RASSF3: variants seen among roughly 807,000 people sequenced by gnomAD.
RASSF3 encodes Ras association domain family member 3.
RASSF3 carries 19 observed loss-of-function variants against 19.9 expected under a neutral mutation model. The ratio of observed to expected loss-of-function variants is 0.96; its 90% CI spans 0.67 to 1.40. The LOEUF (loss-of-function observed/expected upper bound fraction) is 1.40. Ranked by LOEUF, RASSF3 falls within the 40% of genes most tolerant of loss-of-function variation. The probability of loss-of-function intolerance (pLI) is 0.00; values close to 1 mark genes in which losing one functional copy is unlikely to be tolerated. For missense variants in RASSF3, 306 were observed against 289.8 expected (o/e 1.06, Z -0.41); for synonymous variants, 110 against 104.2 (o/e 1.06, Z -0.34).
At position 64,668,348 on chromosome 12, in the gene RASSF3, C is replaced by T. The variant is rs551596342; in HGVS notation, c.112-16439C>T. Among the ~76,000 whole-genome samples the T allele has an allele frequency of 7.3e-4, 111 of 151,868 alleles. 1 individual carries two copies. The highest frequency in any genetic ancestry group is 1.9e-4 in the Non-Finnish European group (13 of 67,974). On this transcript the variant is annotated intron_variant, in intron 1 of 4. Coordinates refer to ENST00000542104, the MANE Select transcript of RASSF3 (RefSeq NM_178169.4). ...CTGAGGTGGAATGTGGCACAATCTCCGTTCACTGTAGCTTCCACTTCACAG... is the reference window on the plus strand; with the variant it reads ...CTGAGGTGGAATGTGGCACAATCTCTGTTCACTGTAGCTTCCACTTCACAG...
At chr12:64,683,760 C>T (rs1873223517) in intron 1 of RASSF3, among the ~76,000 whole-genome samples, 2 of 152,308 alleles carry the variant, frequency 1.3e-5, no homozygotes, top group South Asian at 4.1e-4. Context: ...AATGGCCAAT[C>T]TAGCAGGCAT....
chr12:64,549,662 G>T lies in RASSF3; in HGVS notation c.294+7957G>T, dbSNP rs536980974. 2.6e-5 allele frequency among the ~76,000 whole-genome samples: 4 copies of T among 152,138 alleles called. No individual in the cohort carries two copies. In the East Asian group the frequency reaches 7.7e-4, roughly 29 times the overall value. On this transcript the variant is annotated intron_variant, in intron 2 of 5. Coordinates refer to the RASSF3 transcript ENST00000637125. ...CCTCTACCAAGCTCCCCTCCTGTGG[G>T]GGGTGTTGACATGGCGGCCAGCAGC... is the stretch of plus-strand genomic sequence containing the variant.
At chr12:64,541,901 A>G (rs1311811726), downstream of RASSF3, among the ~76,000 whole-genome samples, 2 of 152,194 alleles carry the variant, frequency 1.3e-5, no homozygotes, top group Non-Finnish European at 2.9e-5. Context: ...AATTTTAGAA[A>G]CAATAAGATA....
chr12:64,526,139 G>A (rs1232969421), intron 1 of RASSF3, among the ~76,000 whole-genome samples: 1 of 152,202 alleles, frequency 6.6e-6, no homozygotes, highest in Non-Finnish European at 1.5e-5. Context: ...GATTTCTGGA[G>A]AAGGGACTAT....
At chr12:64,547,461 G>A (rs986786333) in intron 2 of RASSF3, among the ~76,000 whole-genome samples, 1 of 152,074 alleles carries the variant, frequency 6.6e-6, no homozygotes, top group African/African-American at 2.4e-5. Flanking sequence ...CAGATACTCA[G>A]GAGGCTGAGG....
chr12:64,661,683 T>C lies in RASSF3; in HGVS notation c.112-23104T>C, dbSNP rs112124473. 4.9e-3 allele frequency among the ~76,000 whole-genome samples: 618 copies of C among 126,518 alleles called. 5 individuals carry two copies. The highest frequency in any genetic ancestry group is 0.021 in the African/African-American group (527 of 24,996). The allele number at this position is 126,518 out of a possible 152,430, so 83.0% of individuals were successfully genotyped here. A position where few individuals can be genotyped will look rare whatever the true frequency, so the allele number is the denominator to read the frequency against. On this transcript the variant is annotated intron_variant, in intron 1 of 4. Coordinates refer to ENST00000542104, the MANE Select transcript of RASSF3 (RefSeq NM_178169.4). ...CATCTCTCTTTTTCTTTTTCTTTTT[T>C]TTTTTTTTTTTTTTTTTGAGACAGG...
At chr12:64,639,810 G>A (rs992039896) in intron 1 of RASSF3, among the ~76,000 whole-genome samples, 1 of 152,058 alleles carries the variant, frequency 6.6e-6, no homozygotes, top group Non-Finnish European at 1.5e-5. Flanking sequence ...TTCCTATTAT[G>A]GTATAGTTGC....
At chr12:64,564,325 G>A (rs1869393787) in intron 2 of RASSF3, among the ~76,000 whole-genome samples, 4 of 152,032 alleles carry the variant, frequency 2.6e-5, no homozygotes, top group Admixed American at 2.6e-4. Context: ...ATTGGGGACT[G>A]ATTCTTTGTT....
chr12:64,688,225 G>A lies in RASSF3; in HGVS notation c.229G>A (p.Gly77Arg). Reference protein sequence around the residue: ...DKLKMTLNSNGIYTGFIKVQM... With the variant: ...DKLKMTLNSNRIYTGFIKVQM... The stretch of plus-strand genomic sequence containing the variant: ...TCTCTCCCTGCTTCAGAATTCAAAT[G>A]GGATTTACACTGGCTTCATTAAAGT... The change falls in exon 3 of 5, where the codon GGG (glycine) becomes AGG (arginine). Residue 77 changes from glycine to arginine, a missense_variant. Gly to Arg is a moderately radical substitution (Grantham distance 125, BLOSUM62 -2). Transcript: ENST00000542104. 1 of 1,613,076 alleles carries A rather than the reference G, an allele frequency of 6.2e-7. No homozygotes were observed. The highest frequency in any genetic ancestry group is 1.1e-5 in the South Asian group (1 of 91,058).
At chr12:64,667,922 A>G (rs974499850) in intron 1 of RASSF3, among the ~76,000 whole-genome samples, 1 of 152,214 alleles carries the variant, frequency 6.6e-6, no homozygotes, top group African/African-American at 2.4e-5. Context: ...GAGGTAAGAA[A>G]GTAACACCTG....
chr12:64,570,882 T>C (rs998850290), intron 2 of RASSF3, among the ~76,000 whole-genome samples: 4 of 152,074 alleles, frequency 2.6e-5, no homozygotes, highest in Non-Finnish European at 5.9e-5. Context: ...CTTCTTAACC[T>C]TGGGGGACTC....
chr12:64,605,211 C>A (rs1870169377), intron 2 of RASSF3, among the ~76,000 whole-genome samples: 1 of 151,856 alleles, frequency 6.6e-6, no homozygotes, highest in Non-Finnish European at 1.5e-5. Flanking sequence ...GTCTTGAACT[C>A]CTGACCTCAG....
chr12:64,509,408 C>G (rs763128980), intron 1 of RASSF3, among the ~76,000 whole-genome samples: 21 of 152,198 alleles, frequency 1.4e-4, no homozygotes, highest in Non-Finnish European at 2.6e-4. Context: ...TAAGATGGAA[C>G]CACTGCACCC....
chr12:64,644,984 C>T (rs1042896828), intron 1 of RASSF3, among the ~76,000 whole-genome samples: 1 of 152,066 alleles, frequency 6.6e-6, no homozygotes, highest in Admixed American at 6.6e-5. Flanking sequence ...TCACTTGAGC[C>T]TGGGAGGTTG....
upstream of RASSF3, among the ~76,000 whole-genome samples, chr12:64,609,050 C>T (rs773089527): frequency 2.0e-5 from 3 of 152,110 alleles, no homozygotes; most frequent in Non-Finnish European, 4.4e-5. Flanking sequence ...GATGTGTAAG[C>T]CCGAAGGTGG....
intron 2 of RASSF3, among the ~76,000 whole-genome samples, chr12:64,603,779 T>G (rs1461699859): frequency 6.6e-6 from 1 of 152,224 alleles, no homozygotes; most frequent in Non-Finnish European, 1.5e-5. Flanking sequence ...GTTTAACCAG[T>G]TTAGATAATA....
chr12:64,643,860 A>C (rs1871635306), intron 1 of RASSF3, among the ~76,000 whole-genome samples: 2 of 152,202 alleles, frequency 1.3e-5, no homozygotes, highest in Non-Finnish European at 2.9e-5. Context: ...TTTGTTTCCC[A>C]GTGATTGACT....
At chr12:64,552,846 C>T (rs557960101) in intron 2 of RASSF3, among the ~76,000 whole-genome samples, 16 of 151,722 alleles carry the variant, frequency 1.1e-4, no homozygotes, top group South Asian at 6.2e-4. Context: ...GATGGAGTTT[C>T]GCTCTTGTCA....
chr12:64,645,872 A>G (rs1195092707), intron 1 of RASSF3, among the ~76,000 whole-genome samples: 2 of 152,208 alleles, frequency 1.3e-5, no homozygotes, highest in African/African-American at 4.8e-5. Flanking sequence ...GAAGGTTCCT[A>G]TGTGACTGTT....
Sources: allele counts gnomAD v4.1 joint callset (sites outside exome capture counted in the v4.1 genomes callset), GRCh38; gene constraint gnomAD v4.1.1; transcripts MANE v1.5; gene names NCBI Gene and HGNC (gene_info 2026-07-23, HGNC 2026-07-21).